SESN3: variants seen among roughly 807,000 people sequenced by gnomAD.
SESN3 encodes sestrin 3.
In SESN3, 21 loss-of-function variants were observed where a neutral mutation model predicts 55.3. The ratio of observed to expected loss-of-function variants is 0.38; its 90% CI spans 0.27 to 0.55. The LOEUF (loss-of-function observed/expected upper bound fraction) is 0.55. Among genes scored for constraint, SESN3 ranks in the 20% least tolerant of loss-of-function variants. The pLI is 0.76. For synonymous variants in SESN3, 181 were observed against 203.1 expected (o/e 0.89, Z 0.93); for missense variants, 408 against 604.3 (o/e 0.68, Z 3.41).
At chr11:95,183,782 T>G (rs1253352312) in intron 6 of SESN3, among the ~76,000 whole-genome samples, 1 of 152,106 alleles carries the variant, frequency 6.6e-6, no homozygotes. Context: ...CTATGTGGTG[T>G]TCAATATCTT....
At chr11:95,209,369 A>C (rs926087979) in intron 1 of SESN3, among the ~76,000 whole-genome samples, 1 of 150,980 alleles carries the variant, frequency 6.6e-6, no homozygotes, top group African/African-American at 2.4e-5. Flanking sequence ...CACATGATTA[A>C]ATCATGATCA....
Position 95,170,624 on chromosome 11 carries a change from C to T in SESN3, c.*2631G>A, listed in dbSNP as rs986411597. On this transcript the variant is annotated 3_prime_UTR_variant, in exon 10 of 10. Transcript: ENST00000536441. ...CTGAAAAAATACCACCCTGGAAAAC[C>T]GCATCAGAATTTCAAGTTTGCATTG... The T allele has an allele frequency of 1.6e-4, 24 of 152,060 alleles. No individual in the cohort carries two copies. The highest frequency in any genetic ancestry group is 4.3e-4 in the African/African-American group (18 of 41,476). The allele number at this position is 152,060 out of a possible 1,614,324, so 9.4% of individuals were successfully genotyped here. A position where few individuals can be genotyped will look rare whatever the true frequency, so the allele number is the denominator to read the frequency against.
Position 95,173,006 on chromosome 11 carries a change from CCAACTA to C in SESN3, c.*243_*248del. ...TGATTTATGATCAGTATCCAAAACT[CCAACTA>C]CAAACAATGCAAAGTAGTGCTCCTC... On this transcript the variant is annotated 3_prime_UTR_variant, in exon 10 of 10. Coordinates refer to ENST00000536441, the MANE Select transcript of SESN3 (RefSeq NM_144665.4). The C allele has an allele frequency of 2.6e-6, 1 of 388,526 alleles. No individual in the cohort carries two copies. The highest frequency in any genetic ancestry group is 8.4e-5 in the South Asian group (1 of 11,904). 24.1% of individuals were successfully genotyped at this position (388,526 alleles called of 1,614,324 possible).
chr11:95,184,410 A>C lies in SESN3; in HGVS notation c.937+10T>G. On this transcript the variant is annotated intron_variant, in intron 6 of 9. Transcript: ENST00000536441. ...GAACAACTAAAAGGCAAAAAAGTGC[A>C]AAAAAGCACCTGAATGAGGAAATGA... 1.9e-6 allele frequency: 3 copies of C among 1,613,096 alleles called. No individual in the cohort carries two copies. The highest frequency in any genetic ancestry group is 2.5e-6 in the Non-Finnish European group (3 of 1,179,584).
chr11:95,175,651 A>G lies in SESN3; in HGVS notation c.1248-9T>C, dbSNP rs1037984236. ...AATCATAGTCATCATACCTACGAGC[A>G]ATACAACAATAGCTTTATAATGACA... On this transcript the variant is annotated splice_polypyrimidine_tract_variant and intron_variant, in intron 8 of 9. Coordinates refer to ENST00000536441, the MANE Select transcript of SESN3 (RefSeq NM_144665.4). The G allele has an allele frequency of 2.6e-5, 41 of 1,604,480 alleles. No individual in the cohort carries two copies. Among genetic ancestry groups the G allele is most frequent in the Non-Finnish European group, 3.4e-5 (40 of 1,173,110 alleles).
In SESN3 at chr11:95,168,716, G is replaced by A. The variant is rs1859795825; in HGVS notation, c.*4539C>T. ...GGTTGAGGGATTTAGAAGGAGTTGG[G>A]ATGAATCCATAGTCTCAATGAATGG... On this transcript the variant is annotated 3_prime_UTR_variant, in exon 10 of 10. Transcript: ENST00000536441. 1 of 152,262 alleles carries A rather than the reference G, an allele frequency of 6.6e-6. No individual in the cohort carries two copies. Among genetic ancestry groups the A allele is most frequent in the Admixed American group, 6.5e-5 (1 of 15,286 alleles). The allele number at this position is 152,262 out of a possible 1,614,324, so 9.4% of individuals were successfully genotyped here. A position where few individuals can be genotyped will look rare whatever the true frequency, so the allele number is the denominator to read the frequency against.
At position 95,170,434 on chromosome 11, in the gene SESN3, C is replaced by G. The variant is rs115497860; in HGVS notation, c.*2821G>C. Reference sequence around the variant, plus strand: ...TTCACATTCACATGTGCTTTTCTCACGTACACTTGCACATTTAAGTTTGGC... The same window carrying G: ...TTCACATTCACATGTGCTTTTCTCAGGTACACTTGCACATTTAAGTTTGGC... On this transcript the variant is annotated 3_prime_UTR_variant, in exon 10 of 10. Coordinates refer to ENST00000536441, the MANE Select transcript of SESN3 (RefSeq NM_144665.4). The G allele has an allele frequency of 6.6e-6, 1 of 152,122 alleles. No individual in the cohort carries two copies. Among genetic ancestry groups the G allele is most frequent in the Non-Finnish European group, 1.5e-5 (1 of 68,010 alleles). 9.4% of individuals were successfully genotyped at this position (152,122 alleles called of 1,614,324 possible). A position where few individuals can be genotyped will look rare whatever the true frequency, so the allele number is the denominator to read the frequency against.
intron 1 of SESN3, among the ~76,000 whole-genome samples, chr11:95,202,508 C>A (rs1374442957): frequency 6.6e-6 from 1 of 152,008 alleles, no homozygotes; most frequent in African/African-American, 2.4e-5. Context: ...TCTATAATTT[C>A]CCATAATTTG....
chr11:95,199,414 G>A (rs928363855), intron 1 of SESN3, among the ~76,000 whole-genome samples: 2 of 151,992 alleles, frequency 1.3e-5, no homozygotes, highest in African/African-American at 2.4e-5. Context: ...TGCCTATTAA[G>A]TAATTATCTG....
rs181184187 is a variant in SESN3, at chr11:95,215,431, T to C, written c.78+15352A>G. ...CTTTCTCAAAATGAAACATTTTAAA[T>C]AAAACGATAGCTACGGTCTGGGGGA... On this transcript the variant is annotated intron_variant, in intron 1 of 9. Transcript: ENST00000536441. 2.0e-4 allele frequency among the ~76,000 whole-genome samples: 30 copies of C among 152,292 alleles called. 1 individual carries two copies. The highest frequency in any genetic ancestry group is 1.9e-3 in the Admixed American group (29 of 15,306).
At position 95,231,202 on chromosome 11, in the gene SESN3, C is replaced by T. The variant is rs1448647406; in HGVS notation, c.-342G>A. ...CCACCGCCGCCGCAGCGCCTCAGTGCGGCCCCGCCTCCGCCGCCCCACCAC... is the reference window on the plus strand; with the variant it reads ...CCACCGCCGCCGCAGCGCCTCAGTGTGGCCCCGCCTCCGCCGCCCCACCAC... On this transcript the variant is annotated 5_prime_UTR_variant, in exon 1 of 10. Transcript: ENST00000536441. 5.0e-6 allele frequency: 2 copies of T among 403,466 alleles called. No homozygotes were observed. The highest frequency in any genetic ancestry group is 8.7e-6 in the Non-Finnish European group (2 of 230,192). The allele number at this position is 403,466 out of a possible 1,614,324, so 25.0% of individuals were successfully genotyped here. A position where few individuals can be genotyped will look rare whatever the true frequency, so the allele number is the denominator to read the frequency against.
At position 95,166,624 on chromosome 11, in the gene SESN3, A is replaced by G. The variant is rs191596655; in HGVS notation, c.*6631T>C. On this transcript the variant is annotated 3_prime_UTR_variant, in exon 10 of 10. Transcript: ENST00000536441. ...GTTAAAAGATGCGTCCAGTTCTTCC[A>G]TGACCAGGAAAGTTATTTTCAGGCT... The G allele has an allele frequency of 3.3e-5, 5 of 152,308 alleles. No individual in the cohort carries two copies. Among genetic ancestry groups the G allele is most frequent in the Non-Finnish European group, 7.4e-5 (5 of 68,024 alleles). The allele number at this position is 152,308 out of a possible 1,614,324, so 9.4% of individuals were successfully genotyped here. A position where few individuals can be genotyped will look rare whatever the true frequency, so the allele number is the denominator to read the frequency against.
At position 95,165,934 on chromosome 11, in the gene SESN3, G is replaced by A. The variant is rs1859738558; in HGVS notation, c.*7321C>T. 6.6e-6 allele frequency: 1 copy of A among 152,044 alleles called. No individual in the cohort carries two copies. The highest frequency in any genetic ancestry group is 6.6e-5 in the Admixed American group (1 of 15,252). The allele number at this position is 152,044 out of a possible 1,614,324, so 9.4% of individuals were successfully genotyped here. A position where few individuals can be genotyped will look rare whatever the true frequency, so the allele number is the denominator to read the frequency against. On this transcript the variant is annotated 3_prime_UTR_variant, in exon 10 of 10. Transcript: ENST00000536441. ...AGTAATACATACAAAAGCTTTCATG[G>A]GTTCTAGAACCTTCTTAACTGCTGA...
intron 1 of SESN3, among the ~76,000 whole-genome samples, chr11:95,195,111 T>C (rs947529216): frequency 2.6e-5 from 4 of 152,024 alleles, no homozygotes; most frequent in East Asian, 3.9e-4. Flanking sequence ...AAAAAATACA[T>C]AAAATTTAGA....
intron 9 of SESN3, among the ~76,000 whole-genome samples, chr11:95,174,244 T>C (rs4753162): frequency 0.28 from 42,653 of 152,090 alleles, 6,382 homozygotes; most frequent in Admixed American, 0.33. Context: ...TTTTCTTACT[T>C]TCAAGCTTCG....
Position 95,173,113 on chromosome 11 carries a change from A to G in SESN3, c.*142T>C, listed in dbSNP as rs1859883127. The G allele has an allele frequency of 3.9e-6, 2 of 509,766 alleles. No individual in the cohort carries two copies. Among genetic ancestry groups the G allele is most frequent in the African/African-American group, 3.8e-5 (2 of 52,044 alleles). 31.6% of individuals were successfully genotyped at this position (509,766 alleles called of 1,614,324 possible). A position where few individuals can be genotyped will look rare whatever the true frequency, so the allele number is the denominator to read the frequency against. On this transcript the variant is annotated 3_prime_UTR_variant, in exon 10 of 10. Transcript: ENST00000536441. ...CACATCATTGCACATTACAGCCGCAAAAAACAAAAAAAAAAAAACAAACGG... is the reference window on the plus strand; with the variant it reads ...CACATCATTGCACATTACAGCCGCAGAAAACAAAAAAAAAAAAACAAACGG...
rs191030205 is a variant in SESN3, at chr11:95,181,882, T to C, written c.937+2538A>G. On this transcript the variant is annotated intron_variant, in intron 6 of 9. Coordinates refer to ENST00000536441, the MANE Select transcript of SESN3 (RefSeq NM_144665.4). ...GCTATTGTACTGAGTCTTTTTTCTA[T>C]ATTTTATTTGTGCAGCCAGCAAAGT... Among the ~76,000 whole-genome samples, 557 of 152,232 alleles carry C rather than the reference T, an allele frequency of 3.7e-3. 3 individuals are homozygous for C. The highest frequency in any genetic ancestry group is 0.017 in the Middle Eastern group (5 of 294).
chr11:95,217,135 C>T (rs1051068457), intron 1 of SESN3, among the ~76,000 whole-genome samples: 1 of 151,498 alleles, frequency 6.6e-6, no homozygotes, highest in Non-Finnish European at 1.5e-5. Flanking sequence ...AAATATTTTC[C>T]ACTACTATAT....
chr11:95,221,219 G>A (rs928972802), intron 1 of SESN3, among the ~76,000 whole-genome samples: 1 of 151,940 alleles, frequency 6.6e-6, no homozygotes, highest in Non-Finnish European at 1.5e-5. Context: ...CAGGAGAATC[G>A]CTTGAACCCG....
Sources: gnomAD v4.1 joint callset for allele counts (sites outside exome capture counted in the v4.1 genomes callset) on GRCh38, gnomAD v4.1.1 for gene constraint, MANE v1.5 for transcripts, NCBI Gene and HGNC (gene_info 2026-07-23, HGNC 2026-07-21) for gene names.